SMG1: variants seen among roughly 807,000 people sequenced by gnomAD.
The protein encoded by SMG1 is SMG1 nonsense mediated mRNA decay associated PI3K related kinase, also known as serine/threonine-protein kinase SMG1.
In SMG1, 22 loss-of-function variants were observed where a neutral mutation model predicts 419.9. The ratio of observed to expected loss-of-function variants is 0.05; its 90% CI spans 0.04 to 0.07. The LOEUF (loss-of-function observed/expected upper bound fraction) is 0.07, where lower values mean the gene tolerates loss of function less well. Among genes scored for constraint, SMG1 ranks in the 10% least tolerant of loss-of-function variants. The pLI is 1.00. For synonymous variants in SMG1, 1,538 were observed against 1,553.5 expected, an observed-to-expected ratio of 0.99 and a Z score of 0.23; for missense variants, 3,185 against 4,342.0, an observed-to-expected ratio of 0.73 and a Z score of 7.49.
At chr16:18,812,182 C>A in intron 60 of SMG1, 55 bp from the exon 61 acceptor site, 3 of 1,541,882 alleles carry the variant, frequency 1.9e-6, no homozygotes, top group Non-Finnish European at 2.6e-6. Context: ...ATGGAGGGGG[C>A]AGAGTGGAGC....
At chr16:18,921,691 T>C (rs1470525549) in intron 1 of SMG1, among the ~76,000 whole-genome samples, 1 of 152,242 alleles carries the variant, frequency 6.6e-6, no homozygotes. Flanking sequence ...TATGTACCTA[T>C]GGACATCAAA....
At position 18,879,729 on chromosome 16, in the gene SMG1, G is replaced by A. The variant is rs1406810747; in HGVS notation, c.1294-10C>T. On this transcript the variant is annotated splice_polypyrimidine_tract_variant and intron_variant, in intron 10 of 62. Coordinates refer to ENST00000446231, the MANE Select transcript of SMG1 (RefSeq NM_015092.5). ...TTACTCTGTACAGAACCTGTAAATG[G>A]GGAAAACAAGCAGCTTTTTAAAAAA... is the stretch of plus-strand genomic sequence containing the variant. 1.9e-6 allele frequency: 3 copies of A among 1,582,664 alleles called. No homozygotes were observed. Among genetic ancestry groups the A allele is most frequent in the African/African-American group, 1.3e-5 (1 of 74,634 alleles).
intron 1 of SMG1, chr16:18,911,288 G>C (rs1253858469): frequency 6.6e-6 from 1 of 152,152 alleles, no homozygotes; most frequent in East Asian, 1.9e-4. Flanking sequence ...TGGATCACAA[G>C]GTCAGGAGTT....
At chr16:18,922,885 A>G (rs1339858291) in intron 1 of SMG1, among the ~76,000 whole-genome samples, 1 of 151,976 alleles carries the variant, frequency 6.6e-6, no homozygotes, top group Non-Finnish European at 1.5e-5. Flanking sequence ...GTTCAAGACC[A>G]GCCTGGGCAA....
Position 18,850,462 on chromosome 16 carries a change from T to C in SMG1, c.5058A>G (p.Glu1686=). Residue 1686 remains glutamate, a synonymous_variant, in exon 34 of 63, where the codon GAA becomes GAG. Coordinates refer to ENST00000446231, the MANE Select transcript of SMG1 (RefSeq NM_015092.5). ...AVCRPAGIQD[E]DITLQITESE... is the part of the protein sequence containing the mutation. ...TCTCAGTTATCTGAAGTGTTATATCTTCATCCTGAAGAAAAATTGTGCACA... is the reference window on the plus strand; with the variant it reads ...TCTCAGTTATCTGAAGTGTTATATCCTCATCCTGAAGAAAAATTGTGCACA... 6.2e-7 allele frequency: 1 copy of C among 1,602,090 alleles called. No individual in the cohort carries two copies. The highest frequency in any genetic ancestry group is 8.5e-7 in the Non-Finnish European group (1 of 1,171,658).
intron 50 of SMG1, among the ~76,000 whole-genome samples, 195 bp from the exon 51 acceptor site, chr16:18,833,361 T>C: frequency 6.6e-6 from 1 of 152,196 alleles, no homozygotes; most frequent in East Asian, 1.9e-4. Flanking sequence ...CATAGTCATG[T>C]GAAATTTTTC....
At position 18,836,499 on chromosome 16, in the gene SMG1, T is replaced by C. The variant is rs751481101; in HGVS notation, c.7638A>G (p.Gln2546=). 6.2e-7 allele frequency: 1 copy of C among 1,614,036 alleles called. No individual in the cohort carries two copies. The highest frequency in any genetic ancestry group is 2.2e-5 in the East Asian group (1 of 44,880). The change falls in exon 47 of 63, where the codon CAA becomes CAG. Residue 2546 remains glutamine, a synonymous_variant. Transcript: ENST00000446231. The part of the protein sequence containing the change: ...YSEHTQLQTQ[Q]RAVQEAIQVK... The stretch of plus-strand genomic sequence containing the variant: ...CCTGGATTGCTTCCTGAACAGCTCT[T>C]TGCTGAGTCTGTAGTTGGGTGTGCT...
intron 1 of SMG1, among the ~76,000 whole-genome samples, chr16:18,903,775 C>G (rs976823883): frequency 1.3e-5 from 2 of 152,180 alleles, no homozygotes; most frequent in African/African-American, 4.8e-5. Context: ...CACTCCATCA[C>G]TGCCTGTCAT....
At chr16:18,844,293 G>A (rs2141322375) in intron 39 of SMG1, among the ~76,000 whole-genome samples, 1 of 151,926 alleles carries the variant, frequency 6.6e-6, no homozygotes, top group African/African-American at 2.4e-5. Context: ...GCCAAGCATG[G>A]TGGTGTGTGC....
At position 18,859,693 on chromosome 16, in the gene SMG1, T is replaced by A; in HGVS notation, c.3816A>T (p.Lys1272Asn). 1 of 1,600,274 alleles carries A rather than the reference T, an allele frequency of 6.2e-7. No individual in the cohort carries two copies. Among genetic ancestry groups the A allele is most frequent in the Admixed American group, 1.7e-5 (1 of 57,182 alleles). ...CCGGACTTAACATGTTAGGAAGCAGTTTTTTCATGTCTACCAAAGTTAAAT... is the reference window on the plus strand; with the variant it reads ...CCGGACTTAACATGTTAGGAAGCAGATTTTTCATGTCTACCAAAGTTAAAT... ...GGSKEKIDMK[K>N]LLPNMLSPDP... The change falls in exon 27 of 63, where the codon AAA (lysine) becomes AAT (asparagine). Residue 1272 changes from lysine to asparagine, a missense_variant. Physicochemically the swap from Lys to Asn is moderately conservative, Grantham distance 94. Around this residue, in one of 27 missense-constraint regions of SMG1, gnomAD observed 120 missense variants for 193.3 expected, o/e 0.62. Transcript: ENST00000446231.
intron 10 of SMG1, 24 bp downstream of exon 10, chr16:18,882,141 C>T (rs748799447): frequency 4.0e-6 from 6 of 1,501,026 alleles, no homozygotes; most frequent in East Asian, 2.4e-5. Flanking sequence ...TTGAATGACA[C>T]TTGAAATGCC....
At chr16:18,921,875 A>T (rs2038213280) in intron 1 of SMG1, among the ~76,000 whole-genome samples, 1 of 152,196 alleles carries the variant, frequency 6.6e-6, no homozygotes, top group Non-Finnish European at 1.5e-5. Context: ...ATCTGTCTAC[A>T]ATCTACCAAA....
intron 62 of SMG1, 103 bp downstream of exon 62, chr16:18,811,658 G>A (rs2031411291): frequency 2.1e-5 from 22 of 1,026,612 alleles, no homozygotes; most frequent in Non-Finnish European, 3.1e-5. Flanking sequence ...ACACATTTAA[G>A]TTCCTTGATG....
chr16:18,887,055 T>C (rs2036640319), intron 6 of SMG1, among the ~76,000 whole-genome samples: 3 of 152,336 alleles, frequency 2.0e-5, no homozygotes, highest in African/African-American at 7.2e-5. Flanking sequence ...ATCATGTGTA[T>C]GGTTTTCAGA....
At position 18,839,829 on chromosome 16, in the gene SMG1, G is replaced by C. The variant is rs377702809; in HGVS notation, c.6814C>G (p.Arg2272Gly). The C allele has an allele frequency of 1.2e-6, 2 of 1,613,750 alleles. No individual in the cohort carries two copies. Among genetic ancestry groups the C allele is most frequent in the African/African-American group, 1.3e-5 (1 of 74,886 alleles). Residue 2272 changes from arginine to glycine, a missense_variant, in exon 42 of 63, where the codon CGT becomes GGT. Coordinates refer to ENST00000446231, the MANE Select transcript of SMG1 (RefSeq NM_015092.5). ...ATTACATGAAGAGGCCAATCCCGAC[G>C]GGACACATCCAGGCTAAGCCCAACT... Reference protein sequence around the residue: ...KTVGLSLDVSRRDWPLHVMKA... With the variant: ...KTVGLSLDVSGRDWPLHVMKA...
At chr16:18,837,934 A>G in intron 45 of SMG1, 80 bp downstream of exon 45, 1 of 1,458,752 alleles carries the variant, frequency 6.9e-7, no homozygotes, top group Non-Finnish European at 9.3e-7. Context: ...TAGAGAAACA[A>G]TTTGCCTCAA....
chr16:18,814,788 G>A (rs57920767), intron 60 of SMG1, among the ~76,000 whole-genome samples: 1,607 of 150,550 alleles, frequency 0.011, 33 homozygotes, highest in African/African-American at 0.037. Context: ...ATGTTGGCCC[G>A]ACTGGTCTCA....
rs965862774 is a variant in SMG1, at chr16:18,836,490, A to C, written c.7647T>G (p.Val2549=). ...TCAGCTTCACCTGGATTGCTTCCTG[A>C]ACAGCTCTTTGCTGAGTCTGTAGTT... The part of the protein sequence containing the change: ...HTQLQTQQRA[V]QEAIQVKLNE... Residue 2549 remains valine, a synonymous_variant, in exon 47 of 63, where the codon GTT becomes GTG. Coordinates refer to ENST00000446231, the MANE Select transcript of SMG1 (RefSeq NM_015092.5). 8.7e-6 allele frequency: 14 copies of C among 1,613,918 alleles called. No homozygotes were observed. Among genetic ancestry groups the C allele is most frequent in the Middle Eastern group, 1.6e-4 (1 of 6,084 alleles).
intron 38 of SMG1, among the ~76,000 whole-genome samples, chr16:18,846,026 G>C (rs559708216): frequency 7.6e-4 from 115 of 152,158 alleles, no homozygotes; most frequent in Middle Eastern, 3.4e-3. Flanking sequence ...ATGTTGGCCA[G>C]GATGGTCTCG....
Sources: gnomAD v4.1 joint callset for allele counts (sites outside exome capture counted in the v4.1 genomes callset) on GRCh38, gnomAD v4.1.1 for gene constraint, gnomAD v4.1.1 regional missense constraint, MANE v1.5 for transcripts, NCBI Gene and HGNC (gene_info 2026-07-23, HGNC 2026-07-21) for gene names.